The following ZFHX3 variants were observed in gnomAD, a reference collection of about 807,000 sequenced individuals.
ZFHX3 encodes the protein zinc finger homeobox protein 3.
ZFHX3 carries 42 observed loss-of-function variants against 279.1 expected under a neutral mutation model. That is an observed-to-expected ratio of 0.15 (90% CI 0.12 to 0.19). The LOEUF (loss-of-function observed/expected upper bound fraction) is 0.19. ZFHX3 is among the 10% of genes least tolerant of loss of function. ZFHX3 has a pLI of 1.00. For missense variants in ZFHX3, 4,981 were observed against 4,754.0 expected (o/e 1.05, Z -1.40); for synonymous variants, 2,293 against 1,957.8 (o/e 1.17, Z -4.52).
intron 1 of ZFHX3, among the ~76,000 whole-genome samples, chr16:73,876,469 G>A (rs1322926308): frequency 6.6e-6 from 1 of 152,152 alleles, no homozygotes; most frequent in East Asian, 1.9e-4. Flanking sequence ...AAGTGTCAGT[G>A]ATAAGATCCA....
intron 1 of ZFHX3, among the ~76,000 whole-genome samples, chr16:72,970,798 T>C (rs1451591271): frequency 6.6e-6 from 1 of 152,184 alleles, no homozygotes; most frequent in African/African-American, 2.4e-5. Flanking sequence ...TCTCCACTCT[T>C]GCTATTGGGA....
intron 8 of ZFHX3, among the ~76,000 whole-genome samples, chr16:73,088,436 A>C (rs2041986867): frequency 6.6e-6 from 1 of 152,212 alleles, no homozygotes; most frequent in African/African-American, 2.4e-5. Flanking sequence ...ACAGGCATGA[A>C]CCACTGTGCC....
At chr16:73,299,541 G>A (rs913471269) in intron 4 of ZFHX3, among the ~76,000 whole-genome samples, 1 of 152,130 alleles carries the variant, frequency 6.6e-6, no homozygotes, top group Non-Finnish European at 1.5e-5. Context: ...TGAATGTGGC[G>A]ATATAAATCT....
At chr16:73,064,758 A>G (rs1209761702) in intron 8 of ZFHX3, among the ~76,000 whole-genome samples, 1 of 152,218 alleles carries the variant, frequency 6.6e-6, no homozygotes, top group Non-Finnish European at 1.5e-5. Flanking sequence ...AGTCAGTTCC[A>G]GGGTTTGAGT....
At chr16:73,477,368 T>A (rs531094925) in intron 2 of ZFHX3, among the ~76,000 whole-genome samples, 4 of 152,344 alleles carry the variant, frequency 2.6e-5, no homozygotes, top group African/African-American at 9.6e-5. Flanking sequence ...TCATTAAACA[T>A]GTACATGTGG....
At chr16:72,902,326 C>G (rs2039059130) in intron 3 of ZFHX3, among the ~76,000 whole-genome samples, 1 of 152,186 alleles carries the variant, frequency 6.6e-6, no homozygotes, top group South Asian at 2.1e-4. Context: ...GTAAGTAAGA[C>G]TCTTCCAAAC....
rs756457277 is a variant in ZFHX3 at position 72,958,418 on chromosome 16, G to A, written c.1728C>T (p.Gly576=). 44 of 1,614,048 alleles carry A rather than the reference G, an allele frequency of 2.7e-5. No individual in the cohort carries two copies. Among genetic ancestry groups the A allele is most frequent in the African/African-American group, 1.7e-4 (13 of 74,904 alleles). ...CGCCCTCTGCCACATTGGCCCTGAC[G>A]CCCTCACTGTTAAAGCTTAAACGAT... is the stretch of plus-strand genomic sequence containing the variant. The part of the protein sequence containing the change: ...RRNRLSFNSE[G]VRANVAEGGR... The change falls in exon 2 of 10, where the codon GGC becomes GGT. Residue 576 remains glycine (G), a synonymous_variant. Coordinates refer to ENST00000268489, the MANE Select transcript of ZFHX3 (RefSeq NM_006885.4).
At chr16:73,566,644 C>CTGAG (rs2020454204) in intron 2 of ZFHX3, among the ~76,000 whole-genome samples, 2 of 151,460 alleles carry the variant, frequency 1.3e-5, no homozygotes, top group Non-Finnish European at 2.9e-5. Flanking sequence ...CCTCAGCTTC[C>CTGAG]TGAGTAGCTG....
chr16:73,371,983 A>G (rs1249231830), intron 3 of ZFHX3, among the ~76,000 whole-genome samples: 2 of 152,204 alleles, frequency 1.3e-5, no homozygotes, highest in Admixed American at 1.3e-4. Flanking sequence ...TCACATGCAC[A>G]TGTCACGCGA....
At chr16:72,818,648 G>C (rs2036687908) in intron 5 of ZFHX3, among the ~76,000 whole-genome samples, 1 of 152,200 alleles carries the variant, frequency 6.6e-6, no homozygotes, top group Non-Finnish European at 1.5e-5. Flanking sequence ...CACTCAGCAG[G>C]GGGCGGTCTT....
chr16:73,797,723 T>C (rs544055630), intron 1 of ZFHX3, among the ~76,000 whole-genome samples: 15 of 152,172 alleles, frequency 9.9e-5, no homozygotes, highest in Admixed American at 3.9e-4. Flanking sequence ...CTGCATGACC[T>C]TCAGTTTCTT....
At chr16:72,918,840 C>T (rs1050280142) in intron 3 of ZFHX3, among the ~76,000 whole-genome samples, 3 of 151,948 alleles carry the variant, frequency 2.0e-5, no homozygotes, top group Non-Finnish European at 2.9e-5. Context: ...GGATTACAGG[C>T]ACCCGCCACC....
At chr16:73,060,822 T>C (rs1965674253), upstream of ZFHX3, 1 of 152,162 alleles carries the variant, frequency 6.6e-6, no homozygotes, top group African/African-American at 2.4e-5. Flanking sequence ...AGATTATTTA[T>C]TTTAGAAGGA....
intron 5 of ZFHX3, among the ~76,000 whole-genome samples, chr16:72,829,176 T>G (rs1459361047): frequency 6.6e-6 from 1 of 151,180 alleles, no homozygotes; most frequent in Non-Finnish European, 1.5e-5. Context: ...AGCATTTTTT[T>G]TTTTTTTTTG....
chr16:73,640,868 C>T (rs1261011427), intron 2 of ZFHX3, among the ~76,000 whole-genome samples: 1 of 152,106 alleles, frequency 6.6e-6, no homozygotes, highest in Non-Finnish European at 1.5e-5. Flanking sequence ...TCAGTGAACG[C>T]AAACAGACCC....
At chr16:73,512,106 A>G (rs1183326183) in intron 2 of ZFHX3, among the ~76,000 whole-genome samples, 1 of 151,976 alleles carries the variant, frequency 6.6e-6, no homozygotes, top group African/African-American at 2.4e-5. Context: ...GAACAGCCGG[A>G]CACGGGAAAT....
At chr16:73,769,977 A>T (rs938148358) in intron 1 of ZFHX3, among the ~76,000 whole-genome samples, 7 of 152,350 alleles carry the variant, frequency 4.6e-5, no homozygotes, top group African/African-American at 1.7e-4. Context: ...GTGCACTCAG[A>T]TGTGATGACT....
chr16:72,794,688 T>C lies in ZFHX3; in HGVS notation c.7994A>G (p.Asn2665Ser), dbSNP rs764638594. The stretch of plus-strand genomic sequence containing the variant: ...GTGATCCAACATCTTTCGAGTCGGA[T>C]TGGAATCCAGTAGATACTTCTGGTA... ...ILYQKYLLDS[N>S]PTRKMLDHIA... Residue 2665 changes from asparagine (N) to serine (S), a missense_variant, in exon 9 of 10, where the codon AAT (asparagine) becomes AGT (serine). Asn to Ser is a conservative substitution (Grantham distance 46). Around this residue, in one of 7 missense-constraint regions of ZFHX3, gnomAD observed 744 missense variants for 701.3 expected, o/e 1.06. Transcript: ENST00000268489. This position sits in a 1 kb window ranked among gnomAD's most constrained non-coding sequence, Gnocchi z 4.2. 11 of 1,614,252 alleles carry C rather than the reference T, an allele frequency of 6.8e-6. No homozygotes were observed. Among genetic ancestry groups the C allele is most frequent in the East Asian group, 4.5e-5 (2 of 44,886 alleles).
intron 3 of ZFHX3, among the ~76,000 whole-genome samples, chr16:73,398,840 CT>C (rs67811041): frequency 0.7 from 105,713 of 151,394 alleles, 37,109 homozygotes; most frequent in Non-Finnish European, 0.74. Flanking sequence ...CACAAGTACA[CT>C]TATAAGTGGC....
Sources: gnomAD v4.1 joint callset for allele counts (sites outside exome capture counted in the v4.1 genomes callset) on GRCh38, gnomAD v4.1.1 for gene constraint, gnomAD v4.1.1 regional missense constraint, Gnocchi (gnomAD v3.1) non-coding constraint, MANE v1.5 for transcripts, NCBI Gene and HGNC (gene_info 2026-07-23, HGNC 2026-07-21) for gene names.